The following NEMP2 variants were observed in gnomAD, a reference collection of about 807,000 sequenced individuals.
NEMP2 encodes the protein nuclear envelope integral membrane protein 2.
A neutral mutation model predicts 54.2 loss-of-function variants in NEMP2; 53 were observed. The observed-to-expected ratio is 0.98, with a 90% CI of 0.78 to 1.23. NEMP2 has a LOEUF of 1.23. Among genes scored for constraint, NEMP2 ranks in the 50% most tolerant of loss-of-function variants. The pLI is 0.00. For missense variants in NEMP2, 455 were observed against 511.3 expected (o/e 0.89, Z 1.06); for synonymous variants, 197 against 190.3 (o/e 1.04, Z -0.29).
chr2:190,534,883 G>T, upstream of NEMP2: 1 of 369,914 alleles, frequency 2.7e-6, no homozygotes, highest in East Asian at 3.9e-5. Context: ...GCTTTCGGTG[G>T]CGCGACCCCG....
the NEMP2 span, among the ~76,000 whole-genome samples, chr2:190,602,955 T>C: frequency 2.0e-5 from 3 of 152,116 alleles, no homozygotes; most frequent in East Asian, 5.8e-4. Context: ...CTGCTGGAGG[T>C]GGGCAGTGAC....
chr2:190,473,421 G>C, the NEMP2 span, among the ~76,000 whole-genome samples: 1 of 152,130 alleles, frequency 6.6e-6, no homozygotes, highest in Non-Finnish European at 1.5e-5. Flanking sequence ...AACAAAAAAA[G>C]GCAGGGGTTG....
chr2:190,539,107 A>G (rs987014290), upstream of NEMP2, among the ~76,000 whole-genome samples: 4 of 152,232 alleles, frequency 2.6e-5, no homozygotes, highest in Non-Finnish European at 4.4e-5. This position sits in a 1 kb window ranked among gnomAD's most constrained non-coding sequence, Gnocchi z 4.1. Flanking sequence ...CCTTTAATTC[A>G]TCTTGAGTTG....
chr2:190,539,091 T>C (rs1574330887), upstream of NEMP2, among the ~76,000 whole-genome samples: 1 of 152,230 alleles, frequency 6.6e-6, no homozygotes, highest in African/African-American at 2.4e-5. The surrounding 1 kb of genome is among the most constrained non-coding windows in gnomAD (Gnocchi z 4.1). Context: ...AGGTCTTAGA[T>C]TTAAGCCTTT....
At chr2:190,433,118 G>T in the NEMP2 span, among the ~76,000 whole-genome samples, 1 of 152,174 alleles carries the variant, frequency 6.6e-6, no homozygotes, top group African/African-American at 2.4e-5. This position sits in a 1 kb window ranked among gnomAD's most constrained non-coding sequence, Gnocchi z 4.5. Context: ...TACAGTGTGT[G>T]TGTATGTTTG....
At chr2:190,504,126 C>T (rs182127576), downstream of NEMP2, among the ~76,000 whole-genome samples, 382 of 152,242 alleles carry the variant, frequency 2.5e-3, 2 homozygotes, top group African/African-American at 8.9e-3. The surrounding 1 kb of genome is among the most constrained non-coding windows in gnomAD (Gnocchi z 5.6). Flanking sequence ...ATTTGAGTCC[C>T]AGCTCTGCCA....
chr2:190,554,568 A>C, the NEMP2 span, among the ~76,000 whole-genome samples: 6 of 152,222 alleles, frequency 3.9e-5, no homozygotes, highest in Admixed American at 6.5e-5. The surrounding 1 kb of genome is among the most constrained non-coding windows in gnomAD (Gnocchi z 5.7). Flanking sequence ...AGCCCACTGC[A>C]GCTCAGCAAG....
the NEMP2 span, among the ~76,000 whole-genome samples, chr2:190,645,586 T>A: frequency 2.0e-5 from 3 of 152,214 alleles, no homozygotes; most frequent in Admixed American, 1.3e-4. Context: ...ATTTTCCATT[T>A]CATTTATTCA....
the NEMP2 span, among the ~76,000 whole-genome samples, chr2:190,422,389 G>A: frequency 6.6e-6 from 1 of 152,004 alleles, no homozygotes; most frequent in African/African-American, 2.4e-5. Context: ...CTTATTTCCT[G>A]TATCCCTTGT....
At chr2:190,580,141 C>T in the NEMP2 span, among the ~76,000 whole-genome samples, 6 of 152,156 alleles carry the variant, frequency 3.9e-5, no homozygotes, top group Non-Finnish European at 5.9e-5. The surrounding 1 kb of genome is among the most constrained non-coding windows in gnomAD (Gnocchi z 5.3). Flanking sequence ...GCTGATGATG[C>T]GTGTCCACAG....
the NEMP2 span, among the ~76,000 whole-genome samples, chr2:190,464,158 G>A: frequency 8.5e-5 from 13 of 152,312 alleles, no homozygotes; most frequent in Non-Finnish European, 1.6e-4. Context: ...GCATCTTTGC[G>A]TGAGGGCTTG....
the NEMP2 span, among the ~76,000 whole-genome samples, chr2:190,466,682 T>C: frequency 6.6e-6 from 1 of 152,210 alleles, no homozygotes; most frequent in African/African-American, 2.4e-5. Flanking sequence ...ACTTGATATA[T>C]GAGGAAACTG....
chr2:190,467,011 G>A, the NEMP2 span, among the ~76,000 whole-genome samples: 1 of 152,210 alleles, frequency 6.6e-6, no homozygotes, highest in East Asian at 1.9e-4. This position sits in a 1 kb window ranked among gnomAD's most constrained non-coding sequence, Gnocchi z 5.5. Flanking sequence ...ACTATGGCCT[G>A]GATTGAATTA....
At chr2:190,444,946 G>T in the NEMP2 span, 1 of 668,984 alleles carries the variant, frequency 1.5e-6, no homozygotes, top group South Asian at 6.8e-5. Flanking sequence ...ATTAACTGTA[G>T]CATACTGGGT....
chr2:190,473,064 C>T, the NEMP2 span, among the ~76,000 whole-genome samples: 4 of 152,054 alleles, frequency 2.6e-5, no homozygotes, highest in Admixed American at 2.6e-4. Context: ...CCAGACCTGC[C>T]CTAAAAGAGC....
At chr2:190,626,647 A>C in the NEMP2 span, 1 of 152,250 alleles carries the variant, frequency 6.6e-6, no homozygotes, top group Non-Finnish European at 1.5e-5. This position sits in a 1 kb window ranked among gnomAD's most constrained non-coding sequence, Gnocchi z 4.5. Context: ...ACCCAGGGGC[A>C]CACAGTTTTC....
chr2:190,645,050 T>C, the NEMP2 span, among the ~76,000 whole-genome samples: 1 of 152,222 alleles, frequency 6.6e-6, no homozygotes, highest in African/African-American at 2.4e-5. Context: ...CTCCCAAATC[T>C]ACTCCTAACA....
the NEMP2 span, among the ~76,000 whole-genome samples, chr2:190,472,148 A>G: frequency 1.3e-4 from 20 of 152,222 alleles, 1 homozygote; most frequent in Admixed American, 1.2e-3. Flanking sequence ...GAAAAAACAG[A>G]GCAGAAAAAC....
the NEMP2 span, among the ~76,000 whole-genome samples, chr2:190,498,578 T>C: frequency 1.3e-5 from 2 of 152,226 alleles, no homozygotes; most frequent in Non-Finnish European, 2.9e-5. The surrounding 1 kb of genome is among the most constrained non-coding windows in gnomAD (Gnocchi z 5.9). Context: ...GATAACCATA[T>C]GCATGCTAGT....
Sources: gnomAD v4.1 joint callset for allele counts (sites outside exome capture counted in the v4.1 genomes callset) on GRCh38, gnomAD v4.1.1 for gene constraint, Gnocchi (gnomAD v3.1) non-coding constraint, MANE v1.5 for transcripts, NCBI Gene and HGNC (gene_info 2026-07-23, HGNC 2026-07-21) for gene names.